The following PDE4D variants were observed in gnomAD, a reference collection of about 807,000 sequenced individuals.
PDE4D encodes 3',5'-cyclic-AMP phosphodiesterase 4D.
In PDE4D, 24 loss-of-function variants were observed where a neutral mutation model predicts 87.4. The ratio of observed to expected loss-of-function variants is 0.27; its 90% CI spans 0.20 to 0.39. PDE4D has a LOEUF of 0.39. Ranked by LOEUF, PDE4D falls within the 10% of genes least tolerant of loss-of-function variation. The pLI is 1.00. For synonymous variants in PDE4D, 384 were observed against 383.2 expected (o/e 1.00, Z -0.02); for missense variants, 714 against 1,041.0 (o/e 0.69, Z 4.32).
At chr5:60,476,327 G>A (rs1748319456) in intron 1 of PDE4D, among the ~76,000 whole-genome samples, 1 of 152,174 alleles carries the variant, frequency 6.6e-6, no homozygotes, top group Non-Finnish European at 1.5e-5. Context: ...ACTGATCACA[G>A]TATCTAAATT....
chr5:59,096,741 A>G (rs748413370), intron 5 of PDE4D, among the ~76,000 whole-genome samples: 25 of 152,214 alleles, frequency 1.6e-4, no homozygotes, highest in Non-Finnish European at 3.4e-4. Context: ...ATAAAAATGG[A>G]GAGTTCAGAT....
At chr5:60,320,489 C>G (rs1170014706) in intron 1 of PDE4D, among the ~76,000 whole-genome samples, 1 of 152,194 alleles carries the variant, frequency 6.6e-6, no homozygotes, top group Non-Finnish European at 1.5e-5. Flanking sequence ...ACCCACTGTC[C>G]TGCACCCACT....
chr5:59,590,551 T>A (rs1018830582), intron 1 of PDE4D, among the ~76,000 whole-genome samples: 4 of 152,080 alleles, frequency 2.6e-5, no homozygotes, highest in African/African-American at 9.7e-5. Flanking sequence ...TAAAAGATTA[T>A]CTTTATGGCT....
intron 1 of PDE4D, among the ~76,000 whole-genome samples, chr5:60,264,913 G>A (rs1750028035): frequency 1.3e-5 from 2 of 152,176 alleles, no homozygotes; most frequent in Non-Finnish European, 2.9e-5. Context: ...TTATCCAACA[G>A]ATATTTATCA....
At chr5:59,148,057 C>T (rs557858567) in intron 5 of PDE4D, among the ~76,000 whole-genome samples, 1 of 151,960 alleles carries the variant, frequency 6.6e-6, no homozygotes, top group East Asian at 1.9e-4. Flanking sequence ...TCCTCTTTTT[C>T]TTAATAGAGA....
intron 1 of PDE4D, among the ~76,000 whole-genome samples, chr5:59,278,454 C>G (rs1424564042): frequency 1.3e-5 from 2 of 152,026 alleles, no homozygotes; most frequent in African/African-American, 4.8e-5. Context: ...AATGTATGGA[C>G]CTTTTACTTT....
At chr5:59,450,950 A>G (rs533180994) in intron 1 of PDE4D, among the ~76,000 whole-genome samples, 1 of 152,148 alleles carries the variant, frequency 6.6e-6, no homozygotes, top group South Asian at 2.1e-4. Flanking sequence ...ATCCCTCTCA[A>G]TTCCTACTTC....
At chr5:59,093,564 A>C (rs1038632339) in intron 5 of PDE4D, among the ~76,000 whole-genome samples, 1 of 152,206 alleles carries the variant, frequency 6.6e-6, no homozygotes, top group African/African-American at 2.4e-5. Flanking sequence ...GACCTTGGGG[A>C]AACATTTCAA....
chr5:60,431,434 G>A (rs540581371), intron 1 of PDE4D, among the ~76,000 whole-genome samples: 92 of 151,880 alleles, frequency 6.1e-4, no homozygotes, highest in African/African-American at 2.0e-3. Flanking sequence ...CATCCCAGAC[G>A]GGGCGGCGGG....
intron 1 of PDE4D, among the ~76,000 whole-genome samples, chr5:60,204,724 C>G (rs998378656): frequency 4.6e-5 from 7 of 152,106 alleles, no homozygotes; most frequent in Non-Finnish European, 8.8e-5. Flanking sequence ...TTTGTATCAC[C>G]TTTTAGTACT....
At chr5:59,211,631 G>A (rs1426421925) in intron 2 of PDE4D, among the ~76,000 whole-genome samples, 3 of 151,808 alleles carry the variant, frequency 2.0e-5, no homozygotes, top group Non-Finnish European at 2.9e-5. Flanking sequence ...TTGGACTTTG[G>A]CTTTCTAACC....
intron 5 of PDE4D, chr5:59,179,637 C>T: frequency 2.2e-6 from 1 of 459,652 alleles, no homozygotes; most frequent in Non-Finnish European, 4.4e-6. Flanking sequence ...AGACAGACGT[C>T]TGGACATGAT....
chr5:59,854,930 G>A (rs1383114611), intron 1 of PDE4D, among the ~76,000 whole-genome samples: 2 of 152,074 alleles, frequency 1.3e-5, no homozygotes, highest in South Asian at 2.1e-4. Context: ...TTTAATTCTC[G>A]ACTAGACTTG....
chr5:60,423,760 T>C (rs924731255), intron 1 of PDE4D, among the ~76,000 whole-genome samples: 8 of 152,278 alleles, frequency 5.3e-5, no homozygotes, highest in African/African-American at 1.9e-4. Context: ...ATCCAGAAGT[T>C]GGTTTTTTGA....
At chr5:59,103,785 T>C (rs1350478906) in intron 5 of PDE4D, among the ~76,000 whole-genome samples, 1 of 152,234 alleles carries the variant, frequency 6.6e-6, no homozygotes, top group East Asian at 1.9e-4. Flanking sequence ...CTTTATTTTG[T>C]ACCTTTAGAG....
At chr5:59,626,487 A>G (rs1830918150) in intron 1 of PDE4D, among the ~76,000 whole-genome samples, 1 of 152,198 alleles carries the variant, frequency 6.6e-6, no homozygotes, top group Non-Finnish European at 1.5e-5. Context: ...GAGTGACTTA[A>G]TTTCTTAATT....
intron 1 of PDE4D, among the ~76,000 whole-genome samples, chr5:59,643,191 G>A (rs1741892900): frequency 6.6e-6 from 1 of 152,176 alleles, no homozygotes; most frequent in Non-Finnish European, 1.5e-5. Context: ...ATGCTGGAGA[G>A]CTTCCAGGTC....
intron 2 of PDE4D, among the ~76,000 whole-genome samples, chr5:60,104,705 G>A (rs981832091): frequency 1.5e-4 from 23 of 152,188 alleles, no homozygotes; most frequent in African/African-American, 3.4e-4. Context: ...TGCGGTTCAC[G>A]AAAATCCGCT....
chr5:58,994,116 T>C (rs904562738), intron 6 of PDE4D, among the ~76,000 whole-genome samples: 2 of 152,222 alleles, frequency 1.3e-5, no homozygotes, highest in South Asian at 2.1e-4. Flanking sequence ...CTTTTAAAAG[T>C]TGTTTTTCAA....
Sources: allele counts gnomAD v4.1 joint callset (sites outside exome capture counted in the v4.1 genomes callset), GRCh38; gene constraint gnomAD v4.1.1; transcripts MANE v1.5; gene names NCBI Gene and HGNC (gene_info 2026-07-23, HGNC 2026-07-21).